The following SENP8 variants were observed in gnomAD, a reference collection of about 807,000 sequenced individuals.
The protein encoded by SENP8 is sentrin-specific protease 8.
In SENP8, 10 loss-of-function variants were observed where a neutral mutation model predicts 14.4. That is an observed-to-expected ratio of 0.69 (90% CI 0.43 to 1.18). SENP8 has a LOEUF of 1.18. Among genes scored for constraint, SENP8 ranks in the 50% most tolerant of loss-of-function variants. The probability of loss-of-function intolerance (pLI) is 0.00; values close to 1 mark genes in which losing one functional copy is unlikely to be tolerated. For synonymous variants in SENP8, 94 were observed against 95.5 expected (o/e 0.98, Z 0.09); for missense variants, 202 against 249.4 (o/e 0.81, Z 1.28).
chr15:72,116,434 C>T (rs1261416780), upstream of SENP8, among the ~76,000 whole-genome samples: 2 of 152,190 alleles, frequency 1.3e-5, no homozygotes, highest in Non-Finnish European at 2.9e-5. Context: ...TTTTATTCAA[C>T]ATTTTACTGC....
At chr15:72,119,894 T>C (rs776343473) in intron 1 of SENP8, among the ~76,000 whole-genome samples, 2 of 152,244 alleles carry the variant, frequency 1.3e-5, no homozygotes, top group Non-Finnish European at 2.9e-5. Context: ...GCACTGTTCA[T>C]TCCTCAGTGT....
Position 72,141,132 on chromosome 15 carries a change from C to T in SENP8, c.*870C>T, listed in dbSNP as rs1322742820. On this transcript the variant is annotated 3_prime_UTR_variant, in exon 2 of 2. Transcript: ENST00000340912. ...AAGGTTACCTGTTGTTTCAGATAAA[C>T]ATTTGTTCTTCCTGATAGTTATAGG... The T allele has an allele frequency of 2.6e-5, 4 of 153,910 alleles. No individual in the cohort carries two copies. The highest frequency in any genetic ancestry group is 5.9e-5 in the Non-Finnish European group (4 of 68,050). The allele number at this position is 153,910 out of a possible 1,614,324, so 9.5% of individuals were successfully genotyped here.
intron 1 of SENP8, among the ~76,000 whole-genome samples, chr15:72,128,425 C>A (rs2081241072): frequency 6.6e-6 from 1 of 152,174 alleles, no homozygotes; most frequent in Admixed American, 6.5e-5. Context: ...AACACATCAG[C>A]TATAGGTAAT....
intron 1 of SENP8, among the ~76,000 whole-genome samples, chr15:72,124,484 G>T (rs184265814): frequency 6.6e-6 from 1 of 152,282 alleles, no homozygotes; most frequent in East Asian, 1.9e-4. Flanking sequence ...GCCATAAAAA[G>T]CATATTTGGT....
Position 72,139,746 on chromosome 15 carries a change from C to G in SENP8, c.123C>G (p.Asn41Lys). 1 of 1,614,186 alleles carries G rather than the reference C, an allele frequency of 6.2e-7. No individual in the cohort carries two copies. The highest frequency in any genetic ancestry group is 1.3e-5 in the African/African-American group (1 of 75,032). Residue 41 changes from asparagine (N) to lysine (K), a missense_variant, in exon 2 of 2, where the codon AAC (asparagine) becomes AAG (lysine). Physicochemically the swap from Asn to Lys is moderately conservative, Grantham distance 94 (BLOSUM62 0). Coordinates refer to ENST00000340912, the MANE Select transcript of SENP8 (RefSeq NM_145204.4). ...IIGFAFEYFA[N>K]SQFHDCSDHV... ...GGTTTGCGTTTGAGTACTTTGCCAA[C>G]AGTCAGTTTCATGACTGCTCTGATC...
chr15:72,126,197 C>A (rs1763126237), intron 1 of SENP8, among the ~76,000 whole-genome samples: 2 of 152,096 alleles, frequency 1.3e-5, no homozygotes, highest in African/African-American at 4.8e-5. Context: ...AGTATACTAG[C>A]ACTAGCCACA....
intron 1 of SENP8, among the ~76,000 whole-genome samples, chr15:72,131,575 G>A (rs2140511938): frequency 6.6e-6 from 1 of 152,262 alleles, no homozygotes; most frequent in African/African-American, 2.4e-5. Flanking sequence ...TTAATAAGAA[G>A]TAATCTCCTT....
At chr15:72,136,788 ATGCTT>A (rs1259215761) in intron 1 of SENP8, among the ~76,000 whole-genome samples, 1 of 152,192 alleles carries the variant, frequency 6.6e-6, no homozygotes, top group African/African-American at 2.4e-5. Context: ...TTCTTATAAT[ATGCTT>A]TGTTTTGCAC....
chr15:72,133,741 G>A (rs1376684020), intron 1 of SENP8, among the ~76,000 whole-genome samples: 5 of 152,152 alleles, frequency 3.3e-5, no homozygotes, highest in East Asian at 3.9e-4. Context: ...TATGCAGTAC[G>A]TGTTCATTAT....
intron 1 of SENP8, among the ~76,000 whole-genome samples, chr15:72,132,404 CT>C: frequency 6.6e-6 from 1 of 152,236 alleles, no homozygotes; most frequent in South Asian, 2.1e-4. Context: ...GGCCTTATTT[CT>C]TTTTTTCCCG....
chr15:72,134,134 C>T (rs980174828), intron 1 of SENP8, among the ~76,000 whole-genome samples: 15 of 152,150 alleles, frequency 9.9e-5, no homozygotes, highest in Admixed American at 8.5e-4. Flanking sequence ...TTAGTAGAGA[C>T]AGAGTTTCAC....
chr15:72,123,748 C>T (rs1207742585), intron 1 of SENP8, among the ~76,000 whole-genome samples: 1 of 152,142 alleles, frequency 6.6e-6, no homozygotes, highest in Admixed American at 6.5e-5. Flanking sequence ...CCATGTTGGT[C>T]AGGCTGATCT....
At chr15:72,133,284 A>G (rs1243478338) in intron 1 of SENP8, among the ~76,000 whole-genome samples, 1 of 152,240 alleles carries the variant, frequency 6.6e-6, no homozygotes, top group Non-Finnish European at 1.5e-5. Flanking sequence ...CTGGCCATTA[A>G]TGGCTCCCAC....
chr15:72,118,976 A>G (rs886311532), intron 1 of SENP8, among the ~76,000 whole-genome samples: 7 of 152,204 alleles, frequency 4.6e-5, no homozygotes, highest in African/African-American at 1.7e-4. Context: ...ATACGAAAGG[A>G]GGTAAAAGCA....
intron 1 of SENP8, among the ~76,000 whole-genome samples, chr15:72,125,718 C>T (rs954990563): frequency 2.0e-5 from 3 of 152,048 alleles, no homozygotes; most frequent in East Asian, 1.9e-4. Flanking sequence ...AATTTTTTAT[C>T]GCCAAACTCT....
chr15:72,117,381 T>A (rs191373443), upstream of SENP8, among the ~76,000 whole-genome samples: 233 of 152,234 alleles, frequency 1.5e-3, no homozygotes, highest in Middle Eastern at 6.8e-3. Flanking sequence ...AGAAGCTCCA[T>A]TAAGAGTCCT....
At position 72,142,267 on chromosome 15, in the gene SENP8, TTTTGAGTATGTCA is replaced by T. The variant is rs898040227; in HGVS notation, c.*2010_*2022del. Reference sequence around the variant, plus strand: ...CACAGATTAGTGTCCTCCTATGAAATTTTGAGTATGTCATTTGTAAATGTTAGCATTATAAATT... The same window carrying T: ...CACAGATTAGTGTCCTCCTATGAAATTTTGTAAATGTTAGCATTATAAATT... On this transcript the variant is annotated 3_prime_UTR_variant, in exon 2 of 2. Coordinates refer to ENST00000340912, the MANE Select transcript of SENP8 (RefSeq NM_145204.4). 2.6e-5 allele frequency: 4 copies of T among 152,206 alleles called. No individual in the cohort carries two copies. The highest frequency in any genetic ancestry group is 6.5e-5 in the Admixed American group (1 of 15,272). The allele number at this position is 152,206 out of a possible 1,614,324, so 9.4% of individuals were successfully genotyped here.
chr15:72,128,055 T>C (rs896091205), intron 1 of SENP8, among the ~76,000 whole-genome samples: 2 of 150,656 alleles, frequency 1.3e-5, no homozygotes, highest in African/African-American at 4.9e-5. Context: ...ATTGCACCAC[T>C]GCACTCCATC....
At chr15:72,121,983 A>G (rs2081172288) in intron 1 of SENP8, among the ~76,000 whole-genome samples, 1 of 152,204 alleles carries the variant, frequency 6.6e-6, no homozygotes, top group South Asian at 2.1e-4. Context: ...TCCTCAGTCA[A>G]ACTCCATCTA....
Sources: allele counts gnomAD v4.1 joint callset (sites outside exome capture counted in the v4.1 genomes callset), GRCh38; gene constraint gnomAD v4.1.1; transcripts MANE v1.5; gene names NCBI Gene and HGNC (gene_info 2026-07-23, HGNC 2026-07-21).